CSMD1: variants seen among roughly 807,000 people sequenced by gnomAD.
The protein encoded by CSMD1 is CUB and Sushi multiple domains 1.
CSMD1 carries 213 observed loss-of-function variants against 417.5 expected under a neutral mutation model. That is an observed-to-expected ratio of 0.51 (90% CI 0.46 to 0.57). The LOEUF is 0.57. Among genes scored for constraint, CSMD1 ranks in the 20% least tolerant of loss-of-function variants. The pLI, the probability that CSMD1 is intolerant of heterozygous loss-of-function variation, is 0.00. For synonymous variants in CSMD1, 2,862 were observed against 1,736.8 expected (o/e 1.65, Z -16.11); for missense variants, 6,923 against 4,529.7 (o/e 1.53, Z -15.17).
chr8:3,280,361 A>G (rs1750409605), intron 26 of CSMD1, among the ~76,000 whole-genome samples: 1 of 152,238 alleles, frequency 6.6e-6, no homozygotes. Flanking sequence ...TCAAAGCATT[A>G]GAGGTCAAGA....
intron 3 of CSMD1, among the ~76,000 whole-genome samples, chr8:4,305,224 T>C (rs1798182832): frequency 6.6e-6 from 1 of 152,172 alleles, no homozygotes; most frequent in Non-Finnish European, 1.5e-5. Flanking sequence ...AAGGATGAAG[T>C]GCCAGCAAAC....
At chr8:4,173,869 C>T (rs184548378) in intron 3 of CSMD1, among the ~76,000 whole-genome samples, 13 of 152,184 alleles carry the variant, frequency 8.5e-5, no homozygotes, top group South Asian at 2.1e-4. Flanking sequence ...CTCTTCTCTC[C>T]GGGTTTGAAG....
chr8:3,594,390 C>G (rs1325758146), intron 8 of CSMD1, among the ~76,000 whole-genome samples: 1 of 151,872 alleles, frequency 6.6e-6, no homozygotes, highest in Non-Finnish European at 1.5e-5. Context: ...TGGGTTACGT[C>G]TTGAAAGATG....
intron 23 of CSMD1, among the ~76,000 whole-genome samples, chr8:3,323,940 G>A (rs374216148): frequency 7.5e-6 from 1 of 134,068 alleles, no homozygotes; most frequent in African/African-American, 3.0e-5. Context: ...TAACCCCAGA[G>A]ACCCAGGAGG....
intron 12 of CSMD1, among the ~76,000 whole-genome samples, chr8:3,459,315 G>C (rs892962148): frequency 5.9e-5 from 9 of 152,186 alleles, no homozygotes; most frequent in African/African-American, 1.9e-4. Context: ...CCCTCACCCT[G>C]CTGGCTGACG....
chr8:3,596,336 C>T (rs531773185), intron 8 of CSMD1, among the ~76,000 whole-genome samples: 3 of 152,148 alleles, frequency 2.0e-5, no homozygotes, highest in South Asian at 2.1e-4. Flanking sequence ...TAACCAGGTA[C>T]AGCATGCAGG....
At chr8:4,236,881 A>G (rs1462589280) in intron 3 of CSMD1, among the ~76,000 whole-genome samples, 1 of 152,196 alleles carries the variant, frequency 6.6e-6, no homozygotes, top group African/African-American at 2.4e-5. Context: ...CAGGCCAGGC[A>G]ATGGTATAAA....
rs147673543 is a variant in CSMD1 at position 2,946,786 on chromosome 8, T to G, written c.10402+2513A>C. On this transcript the variant is annotated intron_variant, in intron 68 of 69. Transcript: ENST00000635120. ...GAATTGCTGGAGCTTAAGTAACAAC[T>G]GTTTGATGAACTACCAGAGTGTTTT... Among the ~76,000 whole-genome samples, 539 of 152,314 alleles carry G rather than the reference T, an allele frequency of 3.5e-3. 1 individual carries two copies. Among genetic ancestry groups the G allele is most frequent in the African/African-American group, 0.012 (502 of 41,568 alleles).
intron 1 of CSMD1, among the ~76,000 whole-genome samples, chr8:4,985,420 C>G (rs945956052): frequency 6.6e-6 from 1 of 152,200 alleles, no homozygotes; most frequent in Non-Finnish European, 1.5e-5. Flanking sequence ...AGGGCCCATG[C>G]GTTACAGTTA....
intron 1 of CSMD1, among the ~76,000 whole-genome samples, chr8:4,924,568 A>G (rs886642105): frequency 6.6e-6 from 1 of 151,966 alleles, no homozygotes; most frequent in Non-Finnish European, 1.5e-5. Context: ...CTAAAAATAC[A>G]AAAATTAGCC....
intron 5 of CSMD1, among the ~76,000 whole-genome samples, chr8:3,986,348 C>T (rs1325914090): frequency 6.6e-6 from 1 of 152,158 alleles, no homozygotes; most frequent in Non-Finnish European, 1.5e-5. Context: ...AAATGTAGAT[C>T]CCTGAGCACT....
At chr8:4,178,429 C>T (rs1305755734) in intron 3 of CSMD1, among the ~76,000 whole-genome samples, 6 of 150,158 alleles carry the variant, frequency 4.0e-5, no homozygotes, top group Non-Finnish European at 5.9e-5. Context: ...TGGGACGTAT[C>T]TCAAAATAAT....
chr8:3,514,696 A>G (rs566012845), intron 10 of CSMD1, among the ~76,000 whole-genome samples: 2 of 152,158 alleles, frequency 1.3e-5, no homozygotes, highest in Non-Finnish European at 2.9e-5. Context: ...TCTTTTGTTA[A>G]TATCATTTGA....
chr8:3,311,173 T>C (rs1008961722), intron 23 of CSMD1, among the ~76,000 whole-genome samples: 6 of 152,220 alleles, frequency 3.9e-5, no homozygotes, highest in African/African-American at 1.2e-4. Context: ...CCTATAGTTG[T>C]GGAAAATCAT....
intron 4 of CSMD1, among the ~76,000 whole-genome samples, chr8:4,008,504 G>C (rs987980618): frequency 6.8e-5 from 10 of 147,096 alleles, no homozygotes; most frequent in African/African-American, 2.5e-4. Flanking sequence ...ACATGATGCA[G>C]AACAAAACTT....
At chr8:4,516,606 C>T (rs562362318) in intron 2 of CSMD1, among the ~76,000 whole-genome samples, 23 of 152,156 alleles carry the variant, frequency 1.5e-4, no homozygotes, top group Non-Finnish European at 2.6e-4. Flanking sequence ...GGTCTCCCTT[C>T]TCATGCAAGC....
intron 8 of CSMD1, among the ~76,000 whole-genome samples, chr8:3,597,084 A>G (rs185128538): frequency 5.9e-5 from 9 of 152,258 alleles, no homozygotes; most frequent in African/African-American, 1.9e-4. Flanking sequence ...ACCTCACCCA[A>G]ACGCTGGCTG....
At chr8:4,924,348 G>T (rs57786616) in intron 1 of CSMD1, among the ~76,000 whole-genome samples, 1 of 151,914 alleles carries the variant, frequency 6.6e-6, no homozygotes, top group Non-Finnish European at 1.5e-5. Flanking sequence ...TCAAGAATTT[G>T]AACGTTTTCT....
intron 3 of CSMD1, among the ~76,000 whole-genome samples, chr8:4,278,382 A>T (rs1400900908): frequency 1.3e-5 from 2 of 152,202 alleles, no homozygotes; most frequent in Admixed American, 6.5e-5. Context: ...TAAAATTATC[A>T]GCTATACAGA....
Sources: allele counts gnomAD v4.1 joint callset (sites outside exome capture counted in the v4.1 genomes callset), GRCh38; gene constraint gnomAD v4.1.1; transcripts MANE v1.5; gene names NCBI Gene and HGNC (gene_info 2026-07-23, HGNC 2026-07-21).